TRAPPC9: variants seen among roughly 807,000 people sequenced by gnomAD.
TRAPPC9 encodes the protein IKK2 binding protein.
In TRAPPC9, 83 loss-of-function variants were observed where a neutral mutation model predicts 124.0. The ratio of observed to expected loss-of-function variants is 0.67; its 90% CI spans 0.56 to 0.80. The LOEUF (loss-of-function observed/expected upper bound fraction) is 0.80, where lower values mean the gene tolerates loss of function less well. Among genes scored for constraint, TRAPPC9 ranks in the 30% least tolerant of loss-of-function variants. The pLI is 0.00. For synonymous variants in TRAPPC9, 638 were observed against 617.5 expected (o/e 1.03, Z -0.49); for missense variants, 1,302 against 1,508.3 (o/e 0.86, Z 2.27).
intron 19 of TRAPPC9, among the ~76,000 whole-genome samples, chr8:139,975,077 CAAG>C (rs1245868377): frequency 6.6e-6 from 1 of 152,130 alleles, no homozygotes; most frequent in Admixed American, 6.5e-5. Flanking sequence ...AAAGCACCAC[CAAG>C]AAGGGACAGC....
rs189744598 is a variant in TRAPPC9 at position 140,386,714 on chromosome 8, T to A, written c.1134+10906A>T. Among the ~76,000 whole-genome samples, 243 of 152,254 alleles carry A rather than the reference T, an allele frequency of 1.6e-3. 1 individual carries two copies. The highest frequency in any genetic ancestry group is 5.8e-3 in the African/African-American group (239 of 41,536). On this transcript the variant is annotated intron_variant, in intron 7 of 22. Transcript: ENST00000438773. ...ATTCCATGTTCACAGATAGGAAGAA[T>A]CAATATCGTGAAAATGGCCATACTG...
At chr8:140,218,122 C>T (rs1344135323) in intron 17 of TRAPPC9, among the ~76,000 whole-genome samples, 5 of 152,054 alleles carry the variant, frequency 3.3e-5, no homozygotes, top group Non-Finnish European at 7.4e-5. Flanking sequence ...TCACAGCAAA[C>T]GGCCAGCAGA....
chr8:140,136,338 G>A (rs1016760076), intron 17 of TRAPPC9, among the ~76,000 whole-genome samples: 1 of 152,168 alleles, frequency 6.6e-6, no homozygotes, highest in Non-Finnish European at 1.5e-5. Flanking sequence ...AGGAGGACAG[G>A]GGCACGAGGC....
At chr8:139,910,722 T>G (rs190106904) in intron 19 of TRAPPC9, among the ~76,000 whole-genome samples, 1 of 152,326 alleles carries the variant, frequency 6.6e-6, no homozygotes, top group Admixed American at 6.5e-5. Flanking sequence ...ATCCTCTGAG[T>G]GCTGTCTGCC....
chr8:139,771,927 T>C (rs1191670594), intron 21 of TRAPPC9, among the ~76,000 whole-genome samples: 2 of 152,104 alleles, frequency 1.3e-5, no homozygotes, highest in African/African-American at 4.8e-5. Flanking sequence ...GGGAGAAGTC[T>C]CCGCCCAGCA....
chr8:139,801,873 C>T (rs4736098), intron 21 of TRAPPC9, among the ~76,000 whole-genome samples: 21,461 of 152,202 alleles, frequency 0.14, 1,788 homozygotes, highest in East Asian at 0.27. Flanking sequence ...CAACAATCTG[C>T]GCCTCTCGGT....
chr8:140,233,909 T>C (rs2063670166), intron 16 of TRAPPC9, among the ~76,000 whole-genome samples: 1 of 152,160 alleles, frequency 6.6e-6, no homozygotes, highest in Non-Finnish European at 1.5e-5. Context: ...GCATCACATA[T>C]TCTGTACCTA....
At chr8:140,078,926 T>C (rs1843656905) in intron 17 of TRAPPC9, among the ~76,000 whole-genome samples, 3 of 152,122 alleles carry the variant, frequency 2.0e-5, no homozygotes, top group Admixed American at 2.0e-4. Flanking sequence ...TCCAGTGATA[T>C]GGTTTGGCTG....
At chr8:140,276,727 G>C (rs1422859444) in intron 14 of TRAPPC9, among the ~76,000 whole-genome samples, 5 of 152,084 alleles carry the variant, frequency 3.3e-5, no homozygotes, top group African/African-American at 1.2e-4. Flanking sequence ...AGAGGCATGT[G>C]ACAGGTGAGG....
Position 140,252,754 on chromosome 8 carries a change from A to T in TRAPPC9, c.2431+23T>A. On this transcript the variant is annotated intron_variant, in intron 16 of 22. Coordinates refer to ENST00000438773, the MANE Select transcript of TRAPPC9 (RefSeq NM_001160372.4). The surrounding 1 kb of genome is among the most constrained non-coding windows in gnomAD (Gnocchi z 4.2). ...CAGTATCTAGGACCCTGACGTGCTA[A>T]TTAAAATTAGGAAAGCGCTTACCAT... The T allele has an allele frequency of 6.2e-7, 1 of 1,612,420 alleles. No homozygotes were observed. The highest frequency in any genetic ancestry group is 8.5e-7 in the Non-Finnish European group (1 of 1,179,966).
At chr8:140,000,398 A>G (rs551359090) in intron 18 of TRAPPC9, among the ~76,000 whole-genome samples, 1 of 152,364 alleles carries the variant, frequency 6.6e-6, no homozygotes, top group East Asian at 1.9e-4. Context: ...TAATTAAACT[A>G]AAGAGCTTCT....
intron 18 of TRAPPC9, among the ~76,000 whole-genome samples, chr8:139,996,762 CAG>C (rs1263756705): frequency 3.3e-5 from 5 of 152,128 alleles, no homozygotes; most frequent in African/African-American, 1.2e-4. Flanking sequence ...GCTTTTGAGA[CAG>C]AGTCTCGCTC....
intron 16 of TRAPPC9, among the ~76,000 whole-genome samples, chr8:140,230,422 A>G (rs1000405477): frequency 6.6e-6 from 1 of 152,150 alleles, no homozygotes; most frequent in African/African-American, 2.4e-5. Context: ...CAGCCTGACC[A>G]ACATGGTGAA....
intron 21 of TRAPPC9, among the ~76,000 whole-genome samples, chr8:139,753,811 C>T (rs948688204): frequency 4.6e-5 from 7 of 152,316 alleles, no homozygotes; most frequent in Middle Eastern, 3.4e-3. Context: ...CTATGAGTAG[C>T]GCTGCCACCT....
chr8:139,770,843 T>G (rs1250382389), intron 21 of TRAPPC9, among the ~76,000 whole-genome samples: 2 of 152,180 alleles, frequency 1.3e-5, no homozygotes, highest in African/African-American at 4.8e-5. Context: ...GGAAGGCAGC[T>G]GAGGACAGTC....
chr8:140,187,799 C>T (rs540503767), intron 17 of TRAPPC9, among the ~76,000 whole-genome samples: 1 of 152,278 alleles, frequency 6.6e-6, no homozygotes, highest in East Asian at 1.9e-4. Context: ...CTCTGCCTCC[C>T]TAGTAGCTAG....
At chr8:140,186,150 C>G (rs2131046674) in intron 17 of TRAPPC9, among the ~76,000 whole-genome samples, 1 of 152,332 alleles carries the variant, frequency 6.6e-6, no homozygotes, top group Admixed American at 6.5e-5. Context: ...AACATTTTCT[C>G]AAACTTAATT....
chr8:139,880,386 T>C (rs1043114515), intron 21 of TRAPPC9, among the ~76,000 whole-genome samples: 2 of 152,150 alleles, frequency 1.3e-5, no homozygotes, highest in East Asian at 3.9e-4. Flanking sequence ...AGCTGTAGCA[T>C]TGGGGAGGGG....
chr8:139,953,407 C>T (rs891651496), intron 19 of TRAPPC9, among the ~76,000 whole-genome samples: 1 of 152,112 alleles, frequency 6.6e-6, no homozygotes, highest in Non-Finnish European at 1.5e-5. Context: ...GCAAGAGAAT[C>T]GCTTGAACCC....
Sources: allele counts gnomAD v4.1 joint callset (sites outside exome capture counted in the v4.1 genomes callset), GRCh38; gene constraint gnomAD v4.1.1; non-coding constraint Gnocchi (gnomAD v3.1); transcripts MANE v1.5; gene names NCBI Gene and HGNC (gene_info 2026-07-23, HGNC 2026-07-21).